Variants in DGKI observed in about 807,000 individuals in gnomAD.
The protein encoded by DGKI is DAG kinase iota.
A neutral mutation model predicts 147.5 loss-of-function variants in DGKI; 55 were observed. The observed-to-expected ratio is 0.37, with a 90% confidence interval of 0.30 to 0.47. DGKI has a LOEUF of 0.47. DGKI is among the 20% of genes least tolerant of loss of function. The probability of loss-of-function intolerance (pLI) is 1.00; values close to 1 mark genes in which losing one functional copy is unlikely to be tolerated. For missense variants in DGKI, 1,007 were observed against 1,323.8 expected, an observed-to-expected ratio of 0.76 and a Z score of 3.71; for synonymous variants, 469 against 477.1, an observed-to-expected ratio of 0.98 and a Z score of 0.22.
intron 19 of DGKI, among the ~76,000 whole-genome samples, chr7:137,567,095 T>A (rs1359943444): frequency 6.6e-6 from 1 of 151,484 alleles, no homozygotes; most frequent in African/African-American, 2.4e-5. Context: ...TGAAACCCCA[T>A]CTCTACTAAA....
intron 5 of DGKI, among the ~76,000 whole-genome samples, chr7:137,646,639 T>C (rs1456162330): frequency 6.6e-6 from 1 of 152,256 alleles, no homozygotes. Context: ...TGTTTTCTTT[T>C]GCCCTTTTCT....
chr7:137,466,098 G>C (rs1204113136), intron 25 of DGKI, 63 bp from the exon 26 acceptor site: 2 of 1,582,070 alleles, frequency 1.3e-6, no homozygotes, highest in Non-Finnish European at 1.7e-6. Flanking sequence ...TGGTCTCGAG[G>C]AATAATGAAA....
At chr7:137,398,652 T>A (rs1420663268) in intron 30 of DGKI, among the ~76,000 whole-genome samples, 1 of 152,084 alleles carries the variant, frequency 6.6e-6, no homozygotes, top group Non-Finnish European at 1.5e-5. Context: ...AAGGACAACA[T>A]AACAGAGATG....
chr7:137,422,181 G>C (rs1040142120), intron 28 of DGKI, among the ~76,000 whole-genome samples: 1 of 152,118 alleles, frequency 6.6e-6, no homozygotes, highest in Non-Finnish European at 1.5e-5. Context: ...AATTTGCTTT[G>C]AGCACTGGGT....
rs546324222 is a variant in DGKI, at chr7:137,390,123, A to G, written c.*1097T>C. ...TTATTAGCCTCTGTGCAACATTCCA[A>G]TGACTGTTTCCTATTTCAGTGACAT... On this transcript the variant is annotated 3_prime_UTR_variant, in exon 33 of 33. Coordinates refer to ENST00000614521, the MANE Select transcript of DGKI (RefSeq NM_001321708.2). 1 of 152,166 alleles carries G rather than the reference A, an allele frequency of 6.6e-6. No individual in the cohort carries two copies. The highest frequency in any genetic ancestry group is 6.5e-5 in the Admixed American group (1 of 15,294). The allele number at this position is 152,166 out of a possible 1,614,324, so 9.4% of individuals were successfully genotyped here. A position where few individuals can be genotyped will look rare whatever the true frequency, so the allele number is the denominator to read the frequency against.
chr7:137,457,111 T>C (rs1814234520), intron 27 of DGKI, among the ~76,000 whole-genome samples: 1 of 152,176 alleles, frequency 6.6e-6, no homozygotes, highest in Non-Finnish European at 1.5e-5. Context: ...ATCCTGTATT[T>C]TTCCAGCTGG....
chr7:137,561,938 A>C (rs1316240431), intron 19 of DGKI, among the ~76,000 whole-genome samples: 1 of 152,210 alleles, frequency 6.6e-6, no homozygotes, highest in Non-Finnish European at 1.5e-5. Flanking sequence ...CATAATTCAA[A>C]GAATGAGGAT....
At chr7:137,792,136 G>A (rs1796873859) in intron 1 of DGKI, among the ~76,000 whole-genome samples, 1 of 152,152 alleles carries the variant, frequency 6.6e-6, no homozygotes, top group Non-Finnish European at 1.5e-5. Context: ...GAGCACCTGT[G>A]CTATGAAACA....
intron 2 of DGKI, among the ~76,000 whole-genome samples, chr7:137,684,741 A>G (rs913494298): frequency 1.3e-5 from 2 of 152,160 alleles, no homozygotes; most frequent in African/African-American, 4.8e-5. Flanking sequence ...TGCTCAACAA[A>G]CAGTCTCATT....
At chr7:137,758,403 A>C (rs546255376) in intron 1 of DGKI, among the ~76,000 whole-genome samples, 48 of 152,282 alleles carry the variant, frequency 3.2e-4, no homozygotes, top group African/African-American at 1.0e-3. Context: ...CATATCTCAG[A>C]GGCCATGTGC....
At chr7:137,457,540 T>G (rs1814251573) in intron 27 of DGKI, among the ~76,000 whole-genome samples, 1 of 152,184 alleles carries the variant, frequency 6.6e-6, no homozygotes, top group African/African-American at 2.4e-5. Flanking sequence ...AACATCTGAG[T>G]TTTCAGAACA....
chr7:137,409,401 G>T (rs903898921), intron 29 of DGKI, among the ~76,000 whole-genome samples: 2 of 152,174 alleles, frequency 1.3e-5, no homozygotes, highest in African/African-American at 4.8e-5. Flanking sequence ...GATAGGTAAA[G>T]AATCACACAG....
chr7:137,479,250 TATA>T (rs1815285984), intron 23 of DGKI, among the ~76,000 whole-genome samples: 1 of 152,182 alleles, frequency 6.6e-6, no homozygotes, highest in Admixed American at 6.5e-5. Context: ...CTATTTTAAA[TATA>T]ATAATCTTCT....
chr7:137,542,739 C>T lies in DGKI; in HGVS notation c.2147+9630G>A, dbSNP rs562565728. Among the ~76,000 whole-genome samples the T allele has an allele frequency of 8.5e-5, 13 of 152,116 alleles. No homozygotes were observed. The East Asian group carries it at 1.7e-3, about 20-fold the overall frequency. On this transcript the variant is annotated intron_variant, in intron 20 of 32. Transcript: ENST00000614521. The stretch of plus-strand genomic sequence containing the variant: ...TATGGAACTGTACACCAGAAAAGTC[C>T]GTTTTACAGTATGTTAACTTTAAAT...
intron 8 of DGKI, among the ~76,000 whole-genome samples, chr7:137,610,254 ACCT>A (rs1820321340): frequency 6.6e-6 from 1 of 152,002 alleles, no homozygotes; most frequent in African/African-American, 2.4e-5. Flanking sequence ...CTGTCTAAAG[ACCT>A]AATGGTTTAA....
rs201647352 is a variant in DGKI at position 137,586,270 on chromosome 7, CA to C, written c.1425+826del. 2.7e-3 allele frequency among the ~76,000 whole-genome samples: 412 copies of C among 151,716 alleles called. 2 individuals carry two copies. Among genetic ancestry groups the C allele is most frequent in the African/African-American group, 9.3e-3 (384 of 41,368 alleles). ...CGAAACCCTGTCTCTAATAAACATA[CA>C]AAAAAAATTAGCTGCACAGGGTGGC... On this transcript the variant is annotated intron_variant, in intron 13 of 32. Transcript: ENST00000614521.
intron 3 of DGKI, among the ~76,000 whole-genome samples, chr7:137,666,353 G>A (rs1244473474): frequency 6.6e-6 from 1 of 152,144 alleles, no homozygotes; most frequent in African/African-American, 2.4e-5. Flanking sequence ...CAGTGAGCCA[G>A]GATCACATCG....
chr7:137,550,170 T>TGG (rs1817997711), intron 20 of DGKI, among the ~76,000 whole-genome samples: 1 of 150,320 alleles, frequency 6.7e-6, no homozygotes, highest in African/African-American at 2.5e-5. Flanking sequence ...TGTTTGAGTT[T>TGG]TTTTTTTTTT....
intron 5 of DGKI, among the ~76,000 whole-genome samples, chr7:137,649,186 A>T (rs1049275577): frequency 1.3e-5 from 2 of 152,248 alleles, no homozygotes; most frequent in African/African-American, 4.8e-5. Flanking sequence ...ATTAAATCAC[A>T]TAGTTACCAT....
Sources: gnomAD v4.1 joint callset for allele counts (sites outside exome capture counted in the v4.1 genomes callset) on GRCh38, gnomAD v4.1.1 for gene constraint, MANE v1.5 for transcripts, NCBI Gene and HGNC (gene_info 2026-07-23, HGNC 2026-07-21) for gene names.